Variants in ZNF28 observed in about 807,000 individuals in gnomAD.
ZNF28 encodes zinc finger protein KOX24.
ZNF28 carries 5 observed loss-of-function variants against 7.2 expected under a neutral mutation model. That is an observed-to-expected ratio of 0.70 (90% CI 0.36 to 1.46). The LOEUF (loss-of-function observed/expected upper bound fraction) is 1.46. Among genes scored for constraint, ZNF28 ranks in the 40% most tolerant of loss-of-function variants. The pLI is 0.03. For missense variants in ZNF28, 879 were observed against 866.6 expected, an observed-to-expected ratio of 1.01 and a Z score of -0.18; for synonymous variants, 288 against 292.4, an observed-to-expected ratio of 0.99 and a Z score of 0.15.
chr19:52,803,081 T>C (rs2062894450), intron 3 of ZNF28, among the ~76,000 whole-genome samples: 1 of 151,108 alleles, frequency 6.6e-6, no homozygotes, highest in Non-Finnish European at 1.5e-5. Context: ...AAAAATTTTA[T>C]GTATTTTTAT....
In ZNF28 at chr19:52,801,588, C is replaced by A. The variant is rs1347192048; in HGVS notation, c.257G>T (p.Cys86Phe). The change falls in exon 4 of 4, where the codon TGC (cysteine) becomes TTC (phenylalanine). Residue 86 changes from cysteine (C) to phenylalanine (F), a missense_variant. This residue lies in a region of ZNF28 where 864 missense variants were observed against 830.2 expected (regional missense o/e 1.04). Coordinates refer to ENST00000457749, the MANE Select transcript of ZNF28 (RefSeq NM_006969.5). The part of the protein sequence containing the change: ...RQASHHIGDF[C>F]FQKIEKDIHG... ...AATGTCTTTCTCAATTTTCTGGAAG[C>A]AAAAATCTCCAATGTGATGACTTGC... 4.3e-6 allele frequency: 7 copies of A among 1,614,010 alleles called. No homozygotes were observed. Among genetic ancestry groups the A allele is most frequent in the Non-Finnish European group, 5.9e-6 (7 of 1,180,028 alleles).
Position 52,798,592 on chromosome 19 carries a change from C to T in ZNF28, c.*1096G>A, listed in dbSNP as rs2062824408. ...TGTGAAGTAAACGCTTTGCCACAAT[C>T]ATCACACTTGTGAGTTTCTCTCCTG... On this transcript the variant is annotated 3_prime_UTR_variant, in exon 4 of 4. Transcript: ENST00000457749. 4.2e-6 allele frequency: 2 copies of T among 478,482 alleles called. No homozygotes were observed. The highest frequency in any genetic ancestry group is 4.7e-5 in the Admixed American group (2 of 42,582). 29.6% of individuals were successfully genotyped at this position (478,482 alleles called of 1,614,324 possible).
intron 2 of ZNF28, among the ~76,000 whole-genome samples, chr19:52,817,185 C>G (rs1247673269): frequency 6.6e-6 from 1 of 152,052 alleles, no homozygotes; most frequent in African/African-American, 2.4e-5. Flanking sequence ...CCAGCCTGAT[C>G]AACATGGAGA....
In ZNF28 at chr19:52,799,978, T is replaced by A. The variant is rs878880367; in HGVS notation, c.1867A>T (p.Ile623Leu). Residue 623 changes from isoleucine (I) to leucine (L), a missense_variant, in exon 4 of 4, where the codon ATA (isoleucine) becomes TTA (leucine). Around this residue, in one of 2 missense-constraint regions of ZNF28, gnomAD observed 864 missense variants for 830.2 expected, o/e 1.04. Transcript: ENST00000457749. ...GKTFRQTSSL[I>L]IHRRLHTGEK... Reference sequence around the variant, plus strand: ...CCAGTATGAAGCCTACGATGGATTATAAGCGATGATGTCTGACGGAAGGTC... The same window carrying A: ...CCAGTATGAAGCCTACGATGGATTAAAAGCGATGATGTCTGACGGAAGGTC... 10 of 1,608,230 alleles carry A rather than the reference T, an allele frequency of 6.2e-6. No individual in the cohort carries two copies. The highest frequency in any genetic ancestry group is 8.5e-6 in the Non-Finnish European group (10 of 1,178,048).
chr19:52,806,097 T>G (rs1162963602), intron 3 of ZNF28: 1 of 152,166 alleles, frequency 6.6e-6, no homozygotes, highest in Non-Finnish European at 1.5e-5. Flanking sequence ...ACACTGTACA[T>G]ATATGTTAAC....
Position 52,800,557 on chromosome 19 carries a change from T to C in ZNF28, c.1288A>G (p.Ser430Gly). The C allele has an allele frequency of 1.9e-6, 3 of 1,612,120 alleles. No individual in the cohort carries two copies. Among genetic ancestry groups the C allele is most frequent in the Non-Finnish European group, 2.5e-6 (3 of 1,179,384 alleles). Residue 430 changes from serine to glycine, a missense_variant, in exon 4 of 4, where the codon AGT (serine) becomes GGT (glycine). Coordinates refer to ENST00000457749, the MANE Select transcript of ZNF28 (RefSeq NM_006969.5). ...FAYNSYLAKH[S>G]IIHTGEKPYK... is the part of the protein sequence containing the mutation. ...GGCTTCTCTCCAGTGTGAATTATAC[T>C]ATGTTTTGCCAGGTATGAATTATAT...
rs1256883596 is a variant in ZNF28 at position 52,812,327 on chromosome 19, G to A, written c.16-4194C>T. Among the ~76,000 whole-genome samples, 19 of 141,888 alleles carry A rather than the reference G, an allele frequency of 1.3e-4. 1 individual carries two copies. Among genetic ancestry groups the A allele is most frequent in the African/African-American group, 3.3e-4 (11 of 33,324 alleles). 93.1% of individuals were successfully genotyped at this position (141,888 alleles called of 152,430 possible). On this transcript the variant is annotated intron_variant, in intron 2 of 3. Coordinates refer to ENST00000457749, the MANE Select transcript of ZNF28 (RefSeq NM_006969.5). ...TGGCGGTTTTGTGGAATAGAAAGGC[G>A]GGAAGGGTGGGGAAGAAATTGAGAA... is the stretch of plus-strand genomic sequence containing the variant.
In ZNF28 at chr19:52,814,595, G is replaced by GAA. The variant is rs60135815; in HGVS notation, c.15+3347_15+3348dup. ...GACAACCGAGACTTTGTCTCAAAAA[G>GAA]AAAAAAAAAAGCTGGGCGAGGTGGC... On this transcript the variant is annotated intron_variant, in intron 2 of 3. Transcript: ENST00000457749. Among the ~76,000 whole-genome samples the GAA allele has an allele frequency of 2.9e-4, 40 of 136,826 alleles. 3 individuals are homozygous for GAA. The highest frequency in any genetic ancestry group is 1.0e-3 in the African/African-American group (36 of 34,354). 89.8% of individuals were successfully genotyped at this position (136,826 alleles called of 152,430 possible).
At chr19:52,820,536 C>T (rs1436730587) in intron 1 of ZNF28, among the ~76,000 whole-genome samples, 1 of 152,038 alleles carries the variant, frequency 6.6e-6, no homozygotes, top group Non-Finnish European at 1.5e-5. Flanking sequence ...TCTGTTATAA[C>T]CCCCTGGACC....
chr19:52,811,838 G>A lies in ZNF28; in HGVS notation c.16-3705C>T, dbSNP rs2063048909. 4.1e-5 allele frequency among the ~76,000 whole-genome samples: 6 copies of A among 147,290 alleles called. No homozygotes were observed. In the South Asian group the frequency reaches 1.3e-3, roughly 32 times the overall value. Reference sequence around the variant, plus strand: ...CTCCTCTGCCCGGCCGCCCCTACTGGGAAGTGAGGACCCCTCTGCCCGGCC... The same window carrying A: ...CTCCTCTGCCCGGCCGCCCCTACTGAGAAGTGAGGACCCCTCTGCCCGGCC... On this transcript the variant is annotated intron_variant, in intron 2 of 3. Coordinates refer to ENST00000457749, the MANE Select transcript of ZNF28 (RefSeq NM_006969.5).
chr19:52,813,532 G>A (rs2063083356), intron 2 of ZNF28, among the ~76,000 whole-genome samples: 1 of 137,020 alleles, frequency 7.3e-6, no homozygotes, highest in Admixed American at 7.4e-5. Context: ...ACACCAGACT[G>A]TTCGGCTTGT....
At chr19:52,807,054 T>A (rs761972673) in intron 3 of ZNF28, among the ~76,000 whole-genome samples, 25 of 152,186 alleles carry the variant, frequency 1.6e-4, no homozygotes, top group Non-Finnish European at 3.4e-4. Flanking sequence ...TATTTGAAGG[T>A]GGAGCTTCCA....
intron 2 of ZNF28, chr19:52,814,471 A>G (rs2063097109): frequency 6.9e-6 from 1 of 145,960 alleles, no homozygotes. Context: ...GCACGTGACT[A>G]TAATCCCAGC....
chr19:52,816,834 A>AAATAATAATAAT lies in ZNF28; in HGVS notation c.15+1098_15+1109dup, dbSNP rs34015590. On this transcript the variant is annotated intron_variant, in intron 2 of 3. Coordinates refer to ENST00000457749, the MANE Select transcript of ZNF28 (RefSeq NM_006969.5). ...CAACAAAGCAAGACTCCGTTTCAGAAAATAATAATAATAATAATAATAATA... is the reference window on the plus strand; with the variant it reads ...CAACAAAGCAAGACTCCGTTTCAGAAAATAATAATAATAATAATAATAATAATAATAATAATA... Among the ~76,000 whole-genome samples, 860 of 138,410 alleles carry AAATAATAATAAT rather than the reference A, an allele frequency of 6.2e-3. 6 individuals carry two copies. The highest frequency in any genetic ancestry group is 0.017 in the African/African-American group (639 of 37,690). The allele number at this position is 138,410 out of a possible 152,430, so 90.8% of individuals were successfully genotyped here. A position where few individuals can be genotyped will look rare whatever the true frequency, so the allele number is the denominator to read the frequency against.
In ZNF28 at chr19:52,800,363, T is replaced by A. The variant is rs949143033; in HGVS notation, c.1482A>T (p.Pro494=). The part of the protein sequence containing the change: ...RHRRIHTGEK[P]YKCKVCDKAF... ...CCTTGTCACAAACCTTACATTTGTA[T>A]GGTTTCTCTCCAGTATGAATCCTCC... Residue 494 remains proline, a synonymous_variant, in exon 4 of 4, where the codon CCA becomes CCT. Transcript: ENST00000457749. The A allele has an allele frequency of 1.2e-6, 2 of 1,613,004 alleles. No homozygotes were observed. The highest frequency in any genetic ancestry group is 1.3e-5 in the African/African-American group (1 of 74,572).
chr19:52,810,571 T>G (rs1600454914), intron 2 of ZNF28: 1 of 1,593,230 alleles, frequency 6.3e-7, no homozygotes, highest in African/African-American at 1.3e-5. Flanking sequence ...ACCGGGGTCT[T>G]CCACGAGCCC....
At chr19:52,804,405 C>A (rs7255800) in intron 3 of ZNF28, among the ~76,000 whole-genome samples, 40,463 of 152,026 alleles carry the variant, frequency 0.27, 6,086 homozygotes, top group East Asian at 0.72. Context: ...CAGTCTTACT[C>A]TGTCTCCCGG....
At chr19:52,809,837 CGGT>C (rs888749587) in intron 2 of ZNF28, 10 of 553,998 alleles carry the variant, frequency 1.8e-5, no homozygotes, top group Middle Eastern at 4.9e-4. Context: ...GCGGCGGCGG[CGGT>C]GGCGGTGGTG....
chr19:52,813,605 G>A (rs1375784541), intron 2 of ZNF28, among the ~76,000 whole-genome samples: 2 of 145,322 alleles, frequency 1.4e-5, no homozygotes, highest in African/African-American at 5.4e-5. Flanking sequence ...TGTCCCTCCA[G>A]GTCTACCACC....
Sources: allele counts gnomAD v4.1 joint callset (sites outside exome capture counted in the v4.1 genomes callset), GRCh38; gene constraint gnomAD v4.1.1; regional missense constraint gnomAD v4.1.1; transcripts MANE v1.5; gene names NCBI Gene and HGNC (gene_info 2026-07-23, HGNC 2026-07-21).